PPARGC1A: variants seen among roughly 807,000 people sequenced by gnomAD.
PPARGC1A encodes the protein peroxisome proliferator-activated receptor gamma coactivator 1-alpha.
Under a neutral mutation model 88.7 loss-of-function variants are expected in PPARGC1A, and 25 were observed. That is an observed-to-expected ratio of 0.28 (90% CI 0.21 to 0.39). The LOEUF (loss-of-function observed/expected upper bound fraction) is 0.39, where lower values mean the gene tolerates loss of function less well. PPARGC1A is among the 10% of genes least tolerant of loss of function. The pLI is 1.00. For missense variants in PPARGC1A, 880 were observed against 968.7 expected, an observed-to-expected ratio of 0.91 and a Z score of 1.22; for synonymous variants, 363 against 355.6, an observed-to-expected ratio of 1.02 and a Z score of -0.24.
the PPARGC1A span, among the ~76,000 whole-genome samples, chr4:24,152,090 A>C: frequency 6.6e-6 from 1 of 152,200 alleles, no homozygotes; most frequent in African/African-American, 2.4e-5. Flanking sequence ...CCCCCATGGG[A>C]TCTGGACATG....
the PPARGC1A span, among the ~76,000 whole-genome samples, chr4:24,090,617 T>C: frequency 6.6e-6 from 1 of 152,326 alleles, no homozygotes; most frequent in East Asian, 1.9e-4. Flanking sequence ...AAATGCTTCA[T>C]ACACAGAAGT....
chr4:24,304,772 T>C, the PPARGC1A span, among the ~76,000 whole-genome samples: 33 of 152,064 alleles, frequency 2.2e-4, no homozygotes, highest in Admixed American at 9.2e-4. Flanking sequence ...CCCTGGCAAA[T>C]GGAGAAACAT....
At chr4:23,874,780 C>A (rs1482190476) in intron 2 of PPARGC1A, among the ~76,000 whole-genome samples, 1 of 152,180 alleles carries the variant, frequency 6.6e-6, no homozygotes, top group Non-Finnish European at 1.5e-5. Flanking sequence ...GCTGTCACAG[C>A]AACTGCTTTT....
the PPARGC1A span, among the ~76,000 whole-genome samples, chr4:24,002,084 A>G: frequency 1.4e-5 from 2 of 139,952 alleles, no homozygotes; most frequent in Non-Finnish European, 3.0e-5. Context: ...ACACACACAC[A>G]CACACACACA....
the PPARGC1A span, among the ~76,000 whole-genome samples, chr4:23,912,309 G>A: frequency 1.3e-5 from 2 of 152,054 alleles, no homozygotes; most frequent in African/African-American, 4.8e-5. Context: ...CTAAGGAAAG[G>A]TACCAAGGCT....
At chr4:23,915,055 A>C in the PPARGC1A span, among the ~76,000 whole-genome samples, 2 of 152,180 alleles carry the variant, frequency 1.3e-5, no homozygotes, top group South Asian at 4.1e-4. Context: ...AAGTTCCATA[A>C]AACTTAAAAA....
the PPARGC1A span, among the ~76,000 whole-genome samples, chr4:24,343,620 T>C: frequency 6.6e-6 from 1 of 152,242 alleles, no homozygotes; most frequent in South Asian, 2.1e-4. Context: ...GCAGCAGGAA[T>C]GGACTATGGC....
chr4:23,884,018 T>C (rs1716447429), intron 2 of PPARGC1A: 2 of 152,184 alleles, frequency 1.3e-5, no homozygotes, highest in Admixed American at 6.6e-5. Flanking sequence ...ACTAAATGTT[T>C]GTTCCTATAA....
At chr4:24,062,780 C>T in the PPARGC1A span, among the ~76,000 whole-genome samples, 1 of 152,214 alleles carries the variant, frequency 6.6e-6, no homozygotes, top group African/African-American at 2.4e-5. Flanking sequence ...ATTGACTATA[C>T]TACCAATTCA....
At chr4:24,467,489 T>A in the PPARGC1A span, among the ~76,000 whole-genome samples, 2 of 152,138 alleles carry the variant, frequency 1.3e-5, no homozygotes, top group Non-Finnish European at 2.9e-5. Context: ...AAGTCTTGGC[T>A]CATCTCCGGG....
At chr4:23,914,609 C>T in the PPARGC1A span, among the ~76,000 whole-genome samples, 2 of 152,198 alleles carry the variant, frequency 1.3e-5, no homozygotes, top group African/African-American at 4.8e-5. Flanking sequence ...TTGTCCCATC[C>T]CTATATAAGG....
intron 10 of PPARGC1A, among the ~76,000 whole-genome samples, chr4:23,809,938 T>C (rs1720563884): frequency 6.6e-6 from 1 of 152,182 alleles, no homozygotes; most frequent in Admixed American, 6.5e-5. Context: ...GTGCCACAGA[T>C]GCACCCCTTA....
At chr4:24,346,325 C>G in the PPARGC1A span, among the ~76,000 whole-genome samples, 3 of 152,042 alleles carry the variant, frequency 2.0e-5, no homozygotes, top group African/African-American at 7.2e-5. Context: ...TTTTCTTTCT[C>G]TATCTTGTGG....
chr4:23,845,834 C>T (rs551629688), intron 2 of PPARGC1A, among the ~76,000 whole-genome samples: 2 of 152,288 alleles, frequency 1.3e-5, no homozygotes, highest in South Asian at 2.1e-4. Context: ...AGCATCTGAG[C>T]AAGTTTGCAA....
At chr4:23,860,209 C>T (rs1040156649) in intron 2 of PPARGC1A, among the ~76,000 whole-genome samples, 8 of 150,564 alleles carry the variant, frequency 5.3e-5, no homozygotes, top group South Asian at 2.1e-4. Context: ...GAGTTTGAGG[C>T]TGCAGTAAGC....
In PPARGC1A at chr4:23,812,733, T is replaced by C. The variant is rs775731609; in HGVS notation, c.2019+14A>G. 7 of 1,613,718 alleles carry C rather than the reference T, an allele frequency of 4.3e-6. No individual in the cohort carries two copies. The South Asian group carries it at 7.7e-5, about 18-fold the overall frequency. On this transcript the variant is annotated intron_variant, in intron 10 of 12. Coordinates refer to ENST00000264867, the MANE Select transcript of PPARGC1A (RefSeq NM_013261.5). Reference sequence around the variant, plus strand: ...ACCCTACTTTAAAATAAAAGTGAGCTCCAGGCCACTTACAATTGCCTTCTG... The same window carrying C: ...ACCCTACTTTAAAATAAAAGTGAGCCCCAGGCCACTTACAATTGCCTTCTG...
the PPARGC1A span, among the ~76,000 whole-genome samples, chr4:24,122,420 T>TGTGC: frequency 5.2e-3 from 566 of 107,834 alleles, no homozygotes; most frequent in Non-Finnish European, 9.0e-3. Context: ...TGTGTGCATA[T>TGTGC]ATATATATAT....
intron 2 of PPARGC1A, among the ~76,000 whole-genome samples, chr4:23,850,706 G>A (rs933670326): frequency 2.0e-5 from 3 of 152,230 alleles, no homozygotes; most frequent in South Asian, 2.1e-4. Flanking sequence ...CTTTCCACAC[G>A]CCGCTTCCTT....
chr4:23,861,206 GCAC>G (rs1338910688), intron 2 of PPARGC1A, among the ~76,000 whole-genome samples: 3 of 152,106 alleles, frequency 2.0e-5, no homozygotes, highest in African/African-American at 7.2e-5. Flanking sequence ...TGCAAAATAG[GCAC>G]CACTTTATCT....
Sources: gnomAD v4.1 joint callset for allele counts (sites outside exome capture counted in the v4.1 genomes callset) on GRCh38, gnomAD v4.1.1 for gene constraint, MANE v1.5 for transcripts, NCBI Gene and HGNC (gene_info 2026-07-23, HGNC 2026-07-21) for gene names.